The following GBF1 variants were observed in gnomAD, a reference collection of about 807,000 sequenced individuals.
The protein encoded by GBF1 is golgi brefeldin A resistant guanine nucleotide exchange factor 1.
A neutral mutation model predicts 210.5 loss-of-function variants in GBF1; 114 were observed. That is an observed-to-expected ratio of 0.54 (90% confidence interval 0.47 to 0.63). The LOEUF (loss-of-function observed/expected upper bound fraction) is 0.63, where lower values mean the gene tolerates loss of function less well. GBF1 is among the 30% of genes least tolerant of loss of function. The probability of loss-of-function intolerance (pLI) is 0.00; values close to 1 mark genes in which losing one functional copy is unlikely to be tolerated. For missense variants in GBF1, 1,851 were observed against 2,357.7 expected (o/e 0.79, Z 4.45); for synonymous variants, 850 against 889.2 (o/e 0.96, Z 0.78).
chr10:102,231,415 G>A, the GBF1 span, among the ~76,000 whole-genome samples: 3 of 152,158 alleles, frequency 2.0e-5, no homozygotes, highest in Non-Finnish European at 4.4e-5. Context: ...AGCAGTGGGA[G>A]CAGAGGCTGG....
intron 3 of GBF1, among the ~76,000 whole-genome samples, chr10:102,291,952 C>T (rs892168286): frequency 2.5e-4 from 36 of 146,622 alleles, no homozygotes; most frequent in African/African-American, 9.1e-4. Flanking sequence ...TGCAGTGGCA[C>T]AATCTCAGCT....
chr10:102,379,416 T>C lies in GBF1; in HGVS notation c.4627T>C (p.Trp1543Arg). The C allele has an allele frequency of 6.2e-7, 1 of 1,614,130 alleles. No homozygotes were observed. The highest frequency in any genetic ancestry group is 8.5e-7 in the Non-Finnish European group (1 of 1,180,012). The change falls in exon 34 of 40, where the codon TGG (tryptophan) becomes CGG (arginine). Residue 1543 changes from tryptophan to arginine, a missense_variant. Trp to Arg is a moderately radical substitution (Grantham distance 101). Around this residue, in one of 3 missense-constraint regions of GBF1, gnomAD observed 967 missense variants for 1,247.7 expected, o/e 0.78. Transcript: ENST00000369983. ...ADSRTLWAHC[W>R]CPLLQGIACL... ...TTCTCGCACCCTCTGGGCCCACTGC[T>C]GGTGCCCTTTACTGCAGGGTAAACC...
At chr10:102,243,134 C>T (rs185426489), upstream of GBF1, among the ~76,000 whole-genome samples, 8 of 152,254 alleles carry the variant, frequency 5.3e-5, no homozygotes, top group Admixed American at 1.3e-4. Context: ...TCTGGCCCTT[C>T]CTGTGAAAGT....
chr10:102,252,706 G>T (rs2071721246), intron 1 of GBF1, among the ~76,000 whole-genome samples: 1 of 152,000 alleles, frequency 6.6e-6, no homozygotes, highest in South Asian at 2.1e-4. Flanking sequence ...AATTAGCCAG[G>T]CATGGTGACT....
intron 8 of GBF1, 32 bp from the exon 9 acceptor site, chr10:102,358,007 A>G: frequency 6.8e-7 from 1 of 1,475,844 alleles, no homozygotes; most frequent in African/African-American, 1.4e-5. Flanking sequence ...CTTAGTTTGA[A>G]TACCATTGCT....
intron 3 of GBF1, among the ~76,000 whole-genome samples, chr10:102,336,996 A>T (rs1436692100): frequency 6.6e-6 from 1 of 152,184 alleles, no homozygotes. Flanking sequence ...ATGTGACAGT[A>T]GTTACATGTA....
the GBF1 span, chr10:102,231,463 G>A: frequency 1.5e-6 from 1 of 668,568 alleles, no homozygotes; most frequent in Non-Finnish European, 2.5e-6. Context: ...GCTGCGGCCG[G>A]GAGCCAGGGT....
chr10:102,297,005 A>G (rs935771108), intron 3 of GBF1, among the ~76,000 whole-genome samples: 2 of 151,856 alleles, frequency 1.3e-5, no homozygotes, highest in African/African-American at 4.8e-5. Context: ...ACGTCGCACT[A>G]CTGTACTCCA....
the GBF1 span, among the ~76,000 whole-genome samples, chr10:102,234,448 T>C: frequency 6.6e-6 from 1 of 152,224 alleles, no homozygotes; most frequent in East Asian, 1.9e-4. Flanking sequence ...ACTGGAGGTG[T>C]GCTCAGCTTA....
Position 102,361,760 on chromosome 10 carries a change from C to G in GBF1, c.1534C>G (p.Pro512Ala), listed in dbSNP as rs2059615328. 6.2e-7 allele frequency: 1 copy of G among 1,612,178 alleles called. No homozygotes were observed. The highest frequency in any genetic ancestry group is 8.5e-7 in the Non-Finnish European group (1 of 1,179,152). ...TATGGAGATCATCACTGTGGAGAAC[C>G]CCAAGATGCCTTATGAGATGAAGGA... Reference protein sequence around the residue: ...KLMEIITVENPKMPYEMKEMA... With the variant: ...KLMEIITVENAKMPYEMKEMA... Residue 512 changes from proline to alanine, a missense_variant, in exon 14 of 40, where the codon CCC (proline) becomes GCC (alanine). Around this residue, in one of 3 missense-constraint regions of GBF1, gnomAD observed 804 missense variants for 958.6 expected, o/e 0.84. Coordinates refer to ENST00000369983, the MANE Select transcript of GBF1 (RefSeq NM_001377137.1).
chr10:102,380,080 C>T (rs2060749261), intron 36 of GBF1, 126 bp downstream of exon 36: 2 of 739,034 alleles, frequency 2.7e-6, no homozygotes, highest in East Asian at 5.2e-5. Context: ...GCTATGGACA[C>T]TAAGCAGGAC....
intron 3 of GBF1, among the ~76,000 whole-genome samples, chr10:102,316,383 C>T (rs1589609721): frequency 1.3e-5 from 2 of 152,158 alleles, no homozygotes; most frequent in African/African-American, 2.4e-5. Context: ...CCACCACGCT[C>T]GGCCTTCCCT....
intron 3 of GBF1, among the ~76,000 whole-genome samples, chr10:102,268,386 A>G (rs1452240618): frequency 6.6e-6 from 1 of 152,240 alleles, no homozygotes; most frequent in African/African-American, 2.4e-5. Context: ...TTTAGCTCTC[A>G]AAAACAGAGA....
chr10:102,267,060 G>T (rs756986866), intron 3 of GBF1, among the ~76,000 whole-genome samples: 20 of 152,212 alleles, frequency 1.3e-4, no homozygotes, highest in Non-Finnish European at 5.9e-5. Context: ...CACCTGTCTG[G>T]CCTGGGCCTC....
At chr10:102,328,955 A>G (rs754458119) in intron 3 of GBF1, among the ~76,000 whole-genome samples, 1 of 152,160 alleles carries the variant, frequency 6.6e-6, no homozygotes, top group Non-Finnish European at 1.5e-5. Context: ...AAGCTGGGGT[A>G]AATTGTTCTG....
At chr10:102,379,988 C>A in intron 36 of GBF1, 34 bp downstream of exon 36, 4 of 1,391,312 alleles carry the variant, frequency 2.9e-6, no homozygotes, top group Non-Finnish European at 3.0e-6. Context: ...ACCCTCTCTC[C>A]CATACCTGCC....
chr10:102,330,406 G>A (rs189699568), intron 3 of GBF1, among the ~76,000 whole-genome samples: 2 of 151,996 alleles, frequency 1.3e-5, no homozygotes, highest in East Asian at 1.9e-4. Flanking sequence ...GTAGCTGGCC[G>A]GGTGCAGTGG....
chr10:102,364,013 G>T (rs941988841), intron 17 of GBF1, among the ~76,000 whole-genome samples: 1 of 151,956 alleles, frequency 6.6e-6, no homozygotes, highest in African/African-American at 2.4e-5. Flanking sequence ...ATGCCCCTGC[G>T]CAAATGCTGT....
chr10:102,231,803 G>A, the GBF1 span: 2 of 1,594,894 alleles, frequency 1.3e-6, no homozygotes, highest in Admixed American at 3.4e-5. Context: ...GGGGGCCAGG[G>A]TGGGGGCAGG....
Sources: gnomAD v4.1 joint callset for allele counts (sites outside exome capture counted in the v4.1 genomes callset) on GRCh38, gnomAD v4.1.1 for gene constraint, gnomAD v4.1.1 regional missense constraint, MANE v1.5 for transcripts, NCBI Gene and HGNC (gene_info 2026-07-23, HGNC 2026-07-21) for gene names.